The following PTPN22 variants were observed in gnomAD, a reference collection of about 807,000 sequenced individuals.
The protein encoded by PTPN22 is tyrosine-protein phosphatase non-receptor type 22.
A neutral mutation model predicts 103.3 loss-of-function variants in PTPN22; 85 were observed. That is an observed-to-expected ratio of 0.82 (90% CI 0.69 to 0.99). The LOEUF is 0.99. Ranked by LOEUF, PTPN22 falls within the 50% of genes least tolerant of loss-of-function variation. PTPN22 has a pLI of 0.00. For synonymous variants in PTPN22, 323 were observed against 310.2 expected, an observed-to-expected ratio of 1.04 and a Z score of -0.43; for missense variants, 865 against 936.9, an observed-to-expected ratio of 0.92 and a Z score of 1.00.
intron 7 of PTPN22, 67 bp downstream of exon 7, chr1:113,856,315 A>C (rs1665064185): frequency 2.0e-6 from 3 of 1,484,090 alleles, no homozygotes; most frequent in African/African-American, 2.8e-5. Flanking sequence ...CCTGAGCTAC[A>C]CACATCTATA....
exon 8 of PTPN22, chr1:113,854,951 A>G (rs1368045713): frequency 1.2e-6 from 2 of 1,612,460 alleles, no homozygotes; most frequent in African/African-American, 2.7e-5. Flanking sequence ...CTTGGTAACA[A>G]CGTACATCCC....
At chr1:113,842,060 A>T (rs1433405886) in intron 11 of PTPN22, among the ~76,000 whole-genome samples, 3 of 152,106 alleles carry the variant, frequency 2.0e-5, no homozygotes, top group Non-Finnish European at 2.9e-5. Flanking sequence ...TTAAAAAAAA[A>T]TTAGCTTGGT....
chr1:113,864,201 A>C (rs1239260250), intron 1 of PTPN22: 1 of 443,920 alleles, frequency 2.3e-6, no homozygotes, highest in Non-Finnish European at 4.5e-6. Context: ...AACTTACAAT[A>C]GAAGATTTGA....
chr1:113,870,797 TTG>T (rs1666514674), intron 1 of PTPN22, among the ~76,000 whole-genome samples: 1 of 152,168 alleles, frequency 6.6e-6, no homozygotes, highest in African/African-American at 2.4e-5. Context: ...GATGGGAGGA[TTG>T]CTTGAAGCCA....
Position 113,830,039 on chromosome 1 carries a change from G to T in PTPN22, c.2054-10C>A, listed in dbSNP as rs199620605. 6 of 1,566,696 alleles carry T rather than the reference G, an allele frequency of 3.8e-6. No individual in the cohort carries two copies. The Admixed American group carries it at 8.6e-5, about 22-fold the overall frequency. On this transcript the variant is annotated splice_polypyrimidine_tract_variant and intron_variant, in intron 16 of 20. Transcript: ENST00000359785. ...CGATCTTGATGTAGTTCTGTGATAAGAAAGTATACAATAAACCAGAGAAAT... is the reference window on the plus strand; with the variant it reads ...CGATCTTGATGTAGTTCTGTGATAATAAAGTATACAATAAACCAGAGAAAT...
chr1:113,829,647 G>T lies in PTPN22; in HGVS notation c.2195C>A (p.Ser732Ter). 1 of 1,609,530 alleles carries T rather than the reference G, an allele frequency of 6.2e-7. No homozygotes were observed. ...CTTCAGTGTCTGTTTTGAAGATGTT[G>T]AATTTTCCATGGTGTCAGGATAGCT... The change falls in exon 18 of 21, where the codon TCA (serine) becomes TAA (stop). Residue 732 changes from serine (S) to a stop codon, truncating the protein, a stop_gained. Transcript: ENST00000359785. LOFTEE classifies it high-confidence loss of function.
chr1:113,835,104 G>A (rs937782658), intron 13 of PTPN22, 111 bp from the exon 14 acceptor site: 21 of 591,908 alleles, frequency 3.5e-5, no homozygotes, highest in Middle Eastern at 5.1e-4. Context: ...TTTAAATTCC[G>A]TTGAAGCAAC....
chr1:113,854,589 G>T, intron 8 of PTPN22, 52 bp from the exon 9 acceptor site: 1 of 1,523,476 alleles, frequency 6.6e-7, no homozygotes, highest in South Asian at 1.1e-5. Context: ...AGAGAGAATG[G>T]ACCATTGACA....
intron 1 of PTPN22, among the ~76,000 whole-genome samples, chr1:113,862,310 G>C (rs1308487600): frequency 2.0e-5 from 3 of 151,920 alleles, no homozygotes; most frequent in African/African-American, 7.3e-5. Context: ...AAATAAAAAA[G>C]AGAATAAAGT....
intron 18 of PTPN22, among the ~76,000 whole-genome samples, chr1:113,827,821 T>TA (rs933294763): frequency 1.1e-3 from 168 of 150,288 alleles, no homozygotes; most frequent in African/African-American, 3.6e-3. Flanking sequence ...ATCTCTAATT[T>TA]AAAAAAAAAA....
chr1:113,820,832 C>G (rs1661533582), intron 19 of PTPN22, among the ~76,000 whole-genome samples: 1 of 152,086 alleles, frequency 6.6e-6, no homozygotes. Flanking sequence ...TTTGCACATG[C>G]ATACGTAATA....
At chr1:113,849,656 C>T (rs942416967) in intron 10 of PTPN22, among the ~76,000 whole-genome samples, 9 of 151,028 alleles carry the variant, frequency 6.0e-5, no homozygotes, top group South Asian at 2.1e-4. Flanking sequence ...GATGCAATCT[C>T]GGCTTACTGC....
At chr1:113,861,286 G>C (rs1665569328) in intron 1 of PTPN22, among the ~76,000 whole-genome samples, 1 of 152,044 alleles carries the variant, frequency 6.6e-6, no homozygotes, top group Non-Finnish European at 1.5e-5. Context: ...TATCGCCCAG[G>C]CTGGAGTGCA....
At chr1:113,817,510 T>A (rs1320953649) in intron 20 of PTPN22, among the ~76,000 whole-genome samples, 3 of 152,134 alleles carry the variant, frequency 2.0e-5, no homozygotes, top group Non-Finnish European at 4.4e-5. Context: ...TGATCACGGC[T>A]CACTGCAGCC....
intron 19 of PTPN22, among the ~76,000 whole-genome samples, chr1:113,821,390 C>T (rs529266230): frequency 1.3e-5 from 2 of 152,142 alleles, no homozygotes; most frequent in South Asian, 2.1e-4. Flanking sequence ...GGCACAATCT[C>T]GGCTCACCAC....
In PTPN22 at chr1:113,854,465, A is replaced by G. The variant is rs765043504; in HGVS notation, c.750+6T>C. The G allele has an allele frequency of 2.5e-6, 4 of 1,611,088 alleles. No individual in the cohort carries two copies. Among genetic ancestry groups the G allele is most frequent in the Non-Finnish European group, 3.4e-6 (4 of 1,177,348 alleles). On this transcript the variant is annotated splice_donor_region_variant and intron_variant, in intron 9 of 20. Coordinates refer to ENST00000359785, the Ensembl canonical transcript of PTPN22. Reference sequence around the variant, plus strand: ...AAATGGGAAGTGCCTGCTGAGAGAAACTCACCCCATCTTTTAGCAACATCC... The same window carrying G: ...AAATGGGAAGTGCCTGCTGAGAGAAGCTCACCCCATCTTTTAGCAACATCC...
chr1:113,848,853 C>A (rs1317404833), intron 10 of PTPN22, among the ~76,000 whole-genome samples: 1 of 152,076 alleles, frequency 6.6e-6, no homozygotes, highest in Non-Finnish European at 1.5e-5. Flanking sequence ...TTTGATACAC[C>A]TCTAACTAAT....
chr1:113,850,090 G>A (rs1234352178), intron 10 of PTPN22, among the ~76,000 whole-genome samples: 1 of 152,046 alleles, frequency 6.6e-6, no homozygotes, highest in Non-Finnish European at 1.5e-5. Flanking sequence ...CCACCTACTC[G>A]GGAGGCTGAG....
chr1:113,826,897 C>T (rs1662126927), intron 18 of PTPN22, among the ~76,000 whole-genome samples: 1 of 151,634 alleles, frequency 6.6e-6, no homozygotes, highest in South Asian at 2.1e-4. Context: ...CCTCGATCTC[C>T]TGACCTCGTG....
Sources: gnomAD v4.1 joint callset for allele counts (sites outside exome capture counted in the v4.1 genomes callset) on GRCh38, gnomAD v4.1.1 for gene constraint, MANE v1.5 for transcripts, NCBI Gene and HGNC (gene_info 2026-07-23, HGNC 2026-07-21) for gene names.